Variants in ARMC9 observed in about 807,000 individuals in gnomAD.
ARMC9 encodes the protein lisH domain-containing protein ARMC9.
In ARMC9, 94 loss-of-function variants were observed where a neutral mutation model predicts 107.0. The ratio of observed to expected loss-of-function variants is 0.88; its 90% confidence interval spans 0.74 to 1.04. The LOEUF is 1.04. ARMC9 is among the 50% of genes least tolerant of loss of function. The probability of loss-of-function intolerance (pLI) is 0.00; values close to 1 mark genes in which losing one functional copy is unlikely to be tolerated. For missense variants in ARMC9, 942 were observed against 1,030.1 expected (o/e 0.91, Z 1.17); for synonymous variants, 380 against 396.9 (o/e 0.96, Z 0.51).
Position 231,314,675 on chromosome 2 carries a change from G to T in ARMC9, c.1774-17118G>T, listed in dbSNP as rs66515441. On this transcript the variant is annotated intron_variant, in intron 19 of 24. Transcript: ENST00000611582. ...GTCACAACCAAAAATGTTTCTAGAC[G>T]TTGCTAAATGTCCCCTAGGAGGCAA... is the stretch of plus-strand genomic sequence containing the variant. Among the ~76,000 whole-genome samples the T allele has an allele frequency of 2.6e-5, 4 of 152,098 alleles. No homozygotes were observed. The East Asian group carries it at 7.7e-4, about 29-fold the overall frequency.
chr2:231,332,008 G>A, intron 20 of ARMC9, 111 bp downstream of exon 20: 1 of 881,462 alleles, frequency 1.1e-6, no homozygotes, highest in Non-Finnish European at 1.8e-6. Context: ...TTACCATACT[G>A]TATTTATGAG....
rs769785205 is a variant in ARMC9 at position 231,371,517 on chromosome 2, C to G, written c.2439C>G (p.Ser813Arg). 6.4e-5 allele frequency: 79 copies of G among 1,238,340 alleles called. No homozygotes were observed. The highest frequency in any genetic ancestry group is 7.9e-5 in the Non-Finnish European group (78 of 990,874). The allele number at this position is 1,238,340 out of a possible 1,614,324, so 76.7% of individuals were successfully genotyped here. Residue 813 changes from serine to arginine, a missense_variant, in exon 25 of 25, where the codon AGC (serine) becomes AGG (arginine). By Grantham distance (110) the Ser-to-Arg change is moderately radical. Coordinates refer to ENST00000611582, the MANE Select transcript of ARMC9 (RefSeq NM_001352754.2). Reference protein sequence around the residue: ...TASSTRGLPSSQSHRK With the variant: ...TASSTRGLPSRQSHRK Reference sequence around the variant, plus strand: ...TGCTCTGGCTTTTCTCTCCAGGCAGCCAGTCTCACAGGAAGTAAGGATGTC... The same window carrying G: ...TGCTCTGGCTTTTCTCTCCAGGCAGGCAGTCTCACAGGAAGTAAGGATGTC...
chr2:231,365,224 C>T (rs552193096), intron 23 of ARMC9, among the ~76,000 whole-genome samples: 2 of 152,282 alleles, frequency 1.3e-5, no homozygotes, highest in Non-Finnish European at 2.9e-5. Flanking sequence ...GCCGCAGAAA[C>T]GCATGGGACT....
intron 1 of ARMC9, among the ~76,000 whole-genome samples, chr2:231,205,201 TAA>T (rs769562866): frequency 3.8e-4 from 49 of 129,344 alleles, no homozygotes; most frequent in Non-Finnish European, 2.7e-4. Context: ...TGTCTCTACT[TAA>T]AAAAAAAAAA....
At chr2:231,321,254 G>T (rs17625594) in intron 19 of ARMC9, among the ~76,000 whole-genome samples, 1 of 152,136 alleles carries the variant, frequency 6.6e-6, no homozygotes, top group Non-Finnish European at 1.5e-5. Flanking sequence ...GTCTGCTGGA[G>T]TGGAGGTTCC....
chr2:231,254,336 T>C (rs568894473), intron 9 of ARMC9, among the ~76,000 whole-genome samples: 13 of 152,264 alleles, frequency 8.5e-5, no homozygotes, highest in African/African-American at 2.6e-4. Context: ...CCAATATCAC[T>C]AAAGTTTAAG....
intron 19 of ARMC9, among the ~76,000 whole-genome samples, chr2:231,323,931 T>C (rs908258567): frequency 4.6e-5 from 7 of 152,150 alleles, no homozygotes; most frequent in African/African-American, 1.4e-4. Flanking sequence ...GGAAGCCAAC[T>C]GTCCCTGTTG....
intron 19 of ARMC9, among the ~76,000 whole-genome samples, chr2:231,301,602 C>T (rs1260860548): frequency 6.6e-6 from 1 of 151,944 alleles, no homozygotes; most frequent in East Asian, 1.9e-4. Context: ...CTTTCCAAAC[C>T]CTTTTCACCA....
At chr2:231,231,821 T>C (rs2035250931) in intron 7 of ARMC9, among the ~76,000 whole-genome samples, 1 of 151,942 alleles carries the variant, frequency 6.6e-6, no homozygotes, top group African/African-American at 2.4e-5. Flanking sequence ...CCCAAGTAGC[T>C]GGGATTACAA....
chr2:231,251,096 G>T (rs1290310449), intron 9 of ARMC9, among the ~76,000 whole-genome samples: 1 of 152,138 alleles, frequency 6.6e-6, no homozygotes, highest in Non-Finnish European at 1.5e-5. Flanking sequence ...CTGTGGGATG[G>T]AATCAGTAGG....
At chr2:231,277,016 G>A (rs2290275) in intron 15 of ARMC9, among the ~76,000 whole-genome samples, 13,790 of 152,212 alleles carry the variant, frequency 0.091, 785 homozygotes, top group South Asian at 0.26. Context: ...AGGAGACTAA[G>A]TTCATTTACC....
chr2:231,239,834 T>C lies in ARMC9; in HGVS notation c.781-109T>C. On this transcript the variant is annotated intron_variant, in intron 8 of 24. Coordinates refer to ENST00000611582, the MANE Select transcript of ARMC9 (RefSeq NM_001352754.2). ...TTCTGGCTTACATACCTCATCATCA[T>C]GCCTTACAGAAAGCTGTTGAGAGAC... 3 of 858,258 alleles carry C rather than the reference T, an allele frequency of 3.5e-6. No individual in the cohort carries two copies. In the South Asian group the frequency reaches 4.4e-5, roughly 12 times the overall value. The allele number at this position is 858,258 out of a possible 1,614,324, so 53.2% of individuals were successfully genotyped here.
At chr2:231,315,149 G>C (rs1354548623) in intron 19 of ARMC9, among the ~76,000 whole-genome samples, 1 of 150,230 alleles carries the variant, frequency 6.7e-6, no homozygotes, top group East Asian at 2.0e-4. Flanking sequence ...TGAGGCAGGA[G>C]AATCACTTGA....
At chr2:231,285,987 G>A (rs2040561906) in intron 17 of ARMC9, among the ~76,000 whole-genome samples, 1 of 148,992 alleles carries the variant, frequency 6.7e-6, no homozygotes, top group African/African-American at 2.6e-5. Flanking sequence ...TAGAAATGCT[G>A]AATAATGAAG....
At chr2:231,356,045 G>A (rs2125590978) in intron 22 of ARMC9, 111 bp downstream of exon 22, 1 of 1,371,518 alleles carries the variant, frequency 7.3e-7, no homozygotes. Flanking sequence ...AAGCCCTCTG[G>A]TCTCAGCAAC....
chr2:231,270,011 A>G (rs543650947), intron 12 of ARMC9, among the ~76,000 whole-genome samples: 40 of 151,970 alleles, frequency 2.6e-4, no homozygotes, highest in Admixed American at 2.6e-4. Flanking sequence ...CTGTCGATGG[A>G]TAGTTCCACC....
chr2:231,228,409 T>TGGTGG (rs2034870091), intron 7 of ARMC9, among the ~76,000 whole-genome samples: 1 of 151,802 alleles, frequency 6.6e-6, no homozygotes, highest in Non-Finnish European at 1.5e-5. Context: ...ACACGCAGAG[T>TGGTGG]GGTGGTCGGT....
chr2:231,347,877 A>G (rs140967903), intron 21 of ARMC9, among the ~76,000 whole-genome samples: 93 of 152,348 alleles, frequency 6.1e-4, no homozygotes, highest in African/African-American at 2.2e-3. Context: ...TTAACTATGT[A>G]GAGACCTTTA....
At chr2:231,283,532 C>T (rs534936486) in intron 17 of ARMC9, among the ~76,000 whole-genome samples, 2 of 152,228 alleles carry the variant, frequency 1.3e-5, no homozygotes, top group South Asian at 2.1e-4. Context: ...TGGGTTCAGG[C>T]GATTCTCCTG....
Sources: allele counts gnomAD v4.1 joint callset (sites outside exome capture counted in the v4.1 genomes callset), GRCh38; gene constraint gnomAD v4.1.1; transcripts MANE v1.5; gene names NCBI Gene and HGNC (gene_info 2026-07-23, HGNC 2026-07-21).